SYT13: variants seen among roughly 807,000 people sequenced by gnomAD.
The protein encoded by SYT13 is synaptotagmin-13.
Under a neutral mutation model 38.6 loss-of-function variants are expected in SYT13, and 21 were observed. That is an observed-to-expected ratio of 0.54 (90% CI 0.39 to 0.78). The LOEUF is 0.78. Ranked by LOEUF, SYT13 falls within the 30% of genes least tolerant of loss-of-function variation. SYT13 has a pLI of 0.00. For synonymous variants in SYT13, 241 were observed against 237.6 expected (o/e 1.01, Z -0.13); for missense variants, 495 against 548.7 (o/e 0.90, Z 0.98).
chr11:45,269,438 C>T, intron 1 of SYT13: 4 of 1,261,900 alleles, frequency 3.2e-6, no homozygotes, highest in Non-Finnish European at 4.1e-6. Context: ...GTGGCCCCTG[C>T]ATTATTTCAG....
intron 3 of SYT13, among the ~76,000 whole-genome samples, chr11:45,253,533 T>C (rs774151501): frequency 2.6e-5 from 4 of 152,174 alleles, no homozygotes; most frequent in African/African-American, 7.2e-5. Context: ...TAGAATTATA[T>C]ACAAAATTCC....
chr11:45,245,108 A>G (rs549375548), intron 5 of SYT13, among the ~76,000 whole-genome samples: 114 of 152,246 alleles, frequency 7.5e-4, no homozygotes, highest in African/African-American at 2.7e-3. Context: ...AAGACCCCCA[A>G]CTTCATGTGG....
chr11:45,251,688 G>A (rs550664144), intron 4 of SYT13, among the ~76,000 whole-genome samples: 121 of 152,146 alleles, frequency 8.0e-4, no homozygotes, highest in African/African-American at 2.6e-3. Context: ...CTGTCCTGGC[G>A]CATGGGAAAC....
intron 3 of SYT13, among the ~76,000 whole-genome samples, chr11:45,253,109 G>A (rs1428635323): frequency 2.6e-5 from 4 of 152,188 alleles, no homozygotes; most frequent in Non-Finnish European, 5.9e-5. Flanking sequence ...CATTTTCCAT[G>A]AGAATCACTT....
Position 45,240,896 on chromosome 11 carries a change from T to C in SYT13, c.*3156A>G, listed in dbSNP as rs1218226191. 1 of 152,232 alleles carries C rather than the reference T, an allele frequency of 6.6e-6. No individual in the cohort carries two copies. Among genetic ancestry groups the C allele is most frequent in the African/African-American group, 2.4e-5 (1 of 41,454 alleles). The allele number at this position is 152,232 out of a possible 1,614,324, so 9.4% of individuals were successfully genotyped here. The stretch of plus-strand genomic sequence containing the variant: ...GGTGTTCCTTTCGAAAATGATGAGA[T>C]ACTTCACACAGGCTCAGTTACTATA... On this transcript the variant is annotated 3_prime_UTR_variant, in exon 6 of 6. Transcript: ENST00000020926.
intron 1 of SYT13, among the ~76,000 whole-genome samples, chr11:45,258,216 C>T (rs1322980957): frequency 6.6e-6 from 1 of 152,210 alleles, no homozygotes; most frequent in Non-Finnish European, 1.5e-5. Context: ...AAATCTTTCC[C>T]CAGCACAGCA....
At chr11:45,260,451 G>C (rs1005581370) in intron 1 of SYT13, among the ~76,000 whole-genome samples, 1 of 152,196 alleles carries the variant, frequency 6.6e-6, no homozygotes, top group Non-Finnish European at 1.5e-5. Flanking sequence ...GAGGGAGCCT[G>C]GGAGAGGGTT....
At position 45,282,865 on chromosome 11, in the gene SYT13, G is replaced by C. The variant is rs187669264; in HGVS notation, c.183+3160C>G. Among the ~76,000 whole-genome samples, 4 of 152,210 alleles carry C rather than the reference G, an allele frequency of 2.6e-5. No individual in the cohort carries two copies. In the East Asian group the frequency reaches 7.7e-4, roughly 29 times the overall value. The stretch of plus-strand genomic sequence containing the variant: ...GTGGACCCAGATTAAGAACCCCTGG[G>C]GGCAAAGCACAGTGGTTCATGCCTG... On this transcript the variant is annotated intron_variant, in intron 1 of 5. Coordinates refer to ENST00000020926, the MANE Select transcript of SYT13 (RefSeq NM_020826.3).
At chr11:45,244,833 G>A (rs946779605) in intron 5 of SYT13, among the ~76,000 whole-genome samples, 65 of 152,316 alleles carry the variant, frequency 4.3e-4, no homozygotes, top group African/African-American at 1.5e-3. Context: ...TGGCCACTGG[G>A]TGGCCTGTGA....
chr11:45,267,283 G>A (rs558087210), intron 1 of SYT13, among the ~76,000 whole-genome samples: 2 of 152,302 alleles, frequency 1.3e-5, no homozygotes, highest in South Asian at 4.1e-4. Flanking sequence ...TTTCTAGTGA[G>A]CCTTGACCAT....
intron 1 of SYT13, among the ~76,000 whole-genome samples, chr11:45,269,834 T>C (rs7481764): frequency 0.82 from 125,232 of 152,194 alleles, 52,307 homozygotes; most frequent in Non-Finnish European, 0.87. Context: ...TGAATCATTG[T>C]TTTTGCTTTT....
At chr11:45,275,236 T>C (rs1391660785) in intron 1 of SYT13, among the ~76,000 whole-genome samples, 2 of 152,160 alleles carry the variant, frequency 1.3e-5, no homozygotes, top group African/African-American at 4.8e-5. Context: ...CAACTTTCTG[T>C]GACAGAAAAA....
chr11:45,271,949 G>A (rs918109964), intron 1 of SYT13, among the ~76,000 whole-genome samples: 1 of 152,232 alleles, frequency 6.6e-6, no homozygotes, highest in African/African-American at 2.4e-5. Context: ...CAACCCAAGT[G>A]CCCATGAATG....
chr11:45,262,547 G>A (rs1243007022), intron 1 of SYT13, among the ~76,000 whole-genome samples: 1 of 152,070 alleles, frequency 6.6e-6, no homozygotes, highest in Non-Finnish European at 1.5e-5. Context: ...ACAACATAGT[G>A]AGACCCCATT....
chr11:45,268,497 C>A (rs918915140), intron 1 of SYT13, among the ~76,000 whole-genome samples: 1 of 152,182 alleles, frequency 6.6e-6, no homozygotes, highest in Non-Finnish European at 1.5e-5. Context: ...TCATATGCAG[C>A]TTTACCATGT....
At chr11:45,254,161 G>C (rs1215109984) in intron 3 of SYT13, 109 bp downstream of exon 3, 17 of 1,305,474 alleles carry the variant, frequency 1.3e-5, no homozygotes, top group Non-Finnish European at 1.0e-6. Context: ...GGTTGTTAGA[G>C]TCCTAATCCA....
rs1854629724 is a variant in SYT13 at position 45,247,685 on chromosome 11, G to C, written c.847-1173C>G. On this transcript the variant is annotated intron_variant, in intron 4 of 5. Transcript: ENST00000020926. ...CAGGCACTCAGAAGGGTTGAAATCG[G>C]TTTTTCTTTGCTCACTGTGGCCTCT... Among the ~76,000 whole-genome samples, 3 of 152,256 alleles carry C rather than the reference G, an allele frequency of 2.0e-5. No individual in the cohort carries two copies. The South Asian group carries it at 6.2e-4, about 32-fold the overall frequency.
Position 45,261,915 on chromosome 11 carries a change from CA to C in SYT13, c.184-6025del, listed in dbSNP as rs35524066. 4.5e-3 allele frequency among the ~76,000 whole-genome samples: 583 copies of C among 130,462 alleles called. 2 individuals carry two copies. The highest frequency in any genetic ancestry group is 9.4e-3 in the African/African-American group (321 of 34,022). 85.6% of individuals were successfully genotyped at this position (130,462 alleles called of 152,430 possible). A position where few individuals can be genotyped will look rare whatever the true frequency, so the allele number is the denominator to read the frequency against. ...TAGGTGACAGAGCAAGACCTTGTCT[CA>C]AAAAAAAAAAAAAAGAATAAAATTG... is the stretch of plus-strand genomic sequence containing the variant. On this transcript the variant is annotated intron_variant, in intron 1 of 5. Coordinates refer to ENST00000020926, the MANE Select transcript of SYT13 (RefSeq NM_020826.3).
intron 1 of SYT13, among the ~76,000 whole-genome samples, chr11:45,264,966 C>T (rs181556109): frequency 1.3e-5 from 2 of 152,248 alleles, no homozygotes; most frequent in Admixed American, 1.3e-4. Context: ...CCCTATGACT[C>T]AACAGTTTTT....
Sources: gnomAD v4.1 joint callset for allele counts (sites outside exome capture counted in the v4.1 genomes callset) on GRCh38, gnomAD v4.1.1 for gene constraint, MANE v1.5 for transcripts, NCBI Gene and HGNC (gene_info 2026-07-23, HGNC 2026-07-21) for gene names.